Variants in TRAF3IP2 observed in about 807,000 individuals in gnomAD.
The protein encoded by TRAF3IP2 is TRAF3 interacting protein 2.
A neutral mutation model predicts 57.9 loss-of-function variants in TRAF3IP2; 35 were observed. The ratio of observed to expected loss-of-function variants is 0.60; its 90% CI spans 0.46 to 0.80. The LOEUF (loss-of-function observed/expected upper bound fraction) is 0.80. TRAF3IP2 is among the 30% of genes least tolerant of loss of function. The pLI is 0.00. For synonymous variants in TRAF3IP2, 251 were observed against 268.9 expected (o/e 0.93, Z 0.65); for missense variants, 556 against 706.4 (o/e 0.79, Z 2.41).
intron 1 of TRAF3IP2, 144 bp downstream of exon 1, chr6:111,605,632 T>C (rs1030197604): frequency 1.3e-5 from 2 of 152,430 alleles, no homozygotes; most frequent in East Asian, 1.9e-4. Flanking sequence ...AGATGGTCTC[T>C]GTGCGAACAA....
chr6:111,599,469 G>A lies in TRAF3IP2; in HGVS notation c.-9+6307C>T, dbSNP rs73764476. On this transcript the variant is annotated intron_variant, in intron 1 of 8. Transcript: ENST00000368761. Reference sequence around the variant, plus strand: ...GTCCATGTGACAATGCTCCCTTGCTGTCCATGTGACAATGCTCCCTTGGTG... The same window carrying A: ...GTCCATGTGACAATGCTCCCTTGCTATCCATGTGACAATGCTCCCTTGGTG... Among the ~76,000 whole-genome samples the A allele has an allele frequency of 8.9e-3, 1,358 of 152,162 alleles. 20 individuals carry two copies. Among genetic ancestry groups the A allele is most frequent in the African/African-American group, 0.031 (1,284 of 41,496 alleles).
At chr6:111,594,784 G>T (rs764446639) in intron 1 of TRAF3IP2, among the ~76,000 whole-genome samples, 1 of 151,696 alleles carries the variant, frequency 6.6e-6, no homozygotes, top group Admixed American at 6.6e-5. Flanking sequence ...GTGCGGTGGC[G>T]TGAGCCTGTA....
At chr6:111,569,432 C>A (rs1052174004) in intron 5 of TRAF3IP2, among the ~76,000 whole-genome samples, 9 of 152,106 alleles carry the variant, frequency 5.9e-5, no homozygotes, top group African/African-American at 2.2e-4. Context: ...TATCATAATG[C>A]CAGGCAGGAA....
In TRAF3IP2 at chr6:111,589,250, G is replaced by C. The variant is rs140255343; in HGVS notation, c.829+2008C>G. Among the ~76,000 whole-genome samples the C allele has an allele frequency of 2.1e-3, 318 of 152,086 alleles. 1 individual carries two copies. Among genetic ancestry groups the C allele is most frequent in the South Asian group, 0.015 (70 of 4,812 alleles). ...TAATTCTTTTTGTATTTTTAGCAGA[G>C]ACAGTGTTTCACCATGTTGGCCAGG... On this transcript the variant is annotated intron_variant, in intron 2 of 8. Coordinates refer to ENST00000368761, the MANE Select transcript of TRAF3IP2 (RefSeq NM_147686.4).
At chr6:111,566,200 G>A (rs1188533234) in intron 7 of TRAF3IP2, among the ~76,000 whole-genome samples, 1 of 152,184 alleles carries the variant, frequency 6.6e-6, no homozygotes, top group African/African-American at 2.4e-5. Flanking sequence ...TCCTAGAGAT[G>A]ACAGATTGCT....
intron 1 of TRAF3IP2, among the ~76,000 whole-genome samples, chr6:111,604,767 G>C (rs539509537): frequency 3.3e-5 from 5 of 152,278 alleles, no homozygotes; most frequent in African/African-American, 1.2e-4. Flanking sequence ...AAAATATCAG[G>C]AAACAAAGTC....
chr6:111,569,191 A>T (rs7382725), intron 5 of TRAF3IP2, among the ~76,000 whole-genome samples: 130,173 of 152,294 alleles, frequency 0.85, 56,186 homozygotes, highest in East Asian at 1. Flanking sequence ...TAGCTTTCTG[A>T]GACTGTGTCA....
At chr6:111,567,727 T>C (rs1403301922) in intron 5 of TRAF3IP2, 35 bp from the exon 6 acceptor site, 8 of 1,557,904 alleles carry the variant, frequency 5.1e-6, no homozygotes, top group Non-Finnish European at 7.0e-6. Flanking sequence ...TGGCCCTTAA[T>C]GAGAGGTTCT....
chr6:111,572,880 G>T lies in TRAF3IP2; in HGVS notation c.1290+15C>A. 12 of 1,603,602 alleles carry T rather than the reference G, an allele frequency of 7.5e-6. No individual in the cohort carries two copies. The highest frequency in any genetic ancestry group is 1.0e-5 in the Non-Finnish European group (12 of 1,170,946). On this transcript the variant is annotated intron_variant, in intron 5 of 8. Transcript: ENST00000368761. ...ACTATAACTGTTCAGTTATCTATTT[G>T]GACAAAATACTTACTGCAGTTTGGA...
At chr6:111,593,992 G>C (rs914541518) in intron 1 of TRAF3IP2, among the ~76,000 whole-genome samples, 1 of 151,984 alleles carries the variant, frequency 6.6e-6, no homozygotes, top group Non-Finnish European at 1.5e-5. Flanking sequence ...TTAGCTGGGC[G>C]TGGTGGCATG....
intron 7 of TRAF3IP2, among the ~76,000 whole-genome samples, chr6:111,564,111 T>C (rs1283471155): frequency 1.3e-5 from 2 of 152,072 alleles, no homozygotes; most frequent in Middle Eastern, 3.2e-3. Flanking sequence ...AGCTGGTTAT[T>C]GAAATCACCA....
intron 1 of TRAF3IP2, chr6:111,597,828 T>C: frequency 2.2e-6 from 1 of 455,992 alleles, no homozygotes; most frequent in Non-Finnish European, 4.4e-6. Flanking sequence ...TTTTTCCTTT[T>C]TTTTTCCAGG....
At chr6:111,566,598 G>A (rs540709184) in intron 6 of TRAF3IP2, 38 bp from the exon 7 acceptor site, 8 of 1,566,748 alleles carry the variant, frequency 5.1e-6, no homozygotes, top group Admixed American at 1.7e-5. Context: ...TTATGGAAGT[G>A]TACCAGCAGG....
intron 7 of TRAF3IP2, among the ~76,000 whole-genome samples, chr6:111,563,545 A>G (rs1583214114): frequency 2.0e-5 from 3 of 152,336 alleles, no homozygotes; most frequent in Non-Finnish European, 4.4e-5. Flanking sequence ...TGCCGGGTGA[A>G]AAGTATTAAC....
chr6:111,563,141 C>T (rs1795508073), intron 7 of TRAF3IP2, 102 bp from the exon 8 acceptor site: 1 of 829,600 alleles, frequency 1.2e-6, no homozygotes, highest in Non-Finnish European at 2.0e-6. Flanking sequence ...ATTCTGATTT[C>T]CATACTTGAG....
intron 1 of TRAF3IP2, among the ~76,000 whole-genome samples, chr6:111,592,756 T>A (rs1297708545): frequency 6.7e-6 from 1 of 148,914 alleles, no homozygotes; most frequent in Non-Finnish European, 1.5e-5. Flanking sequence ...AAAATAAAAG[T>A]GTTTTTTTTT....
At position 111,572,887 on chromosome 6, in the gene TRAF3IP2, A is replaced by G. The variant is rs1041482295; in HGVS notation, c.1290+8T>C. 2 of 1,610,570 alleles carry G rather than the reference A, an allele frequency of 1.2e-6. No homozygotes were observed. Among genetic ancestry groups the G allele is most frequent in the Non-Finnish European group, 1.7e-6 (2 of 1,177,020 alleles). On this transcript the variant is annotated splice_region_variant and intron_variant, in intron 5 of 8. Coordinates refer to ENST00000368761, the MANE Select transcript of TRAF3IP2 (RefSeq NM_147686.4). ...CTGTTCAGTTATCTATTTGGACAAA[A>G]TACTTACTGCAGTTTGGAAGCCATT...
rs777310403 is a variant in TRAF3IP2 at position 111,566,575 on chromosome 6, G to C, written c.1360-15C>G. 52 of 1,606,524 alleles carry C rather than the reference G, an allele frequency of 3.2e-5. 1 individual carries two copies. The South Asian group carries it at 5.5e-4, about 17-fold the overall frequency. ...ATCACGGTCTTCTGTTAATGAGAGG[G>C]AGAAAGGCATGTTTATGGAAGTGTA... On this transcript the variant is annotated splice_polypyrimidine_tract_variant and intron_variant, in intron 6 of 8. Coordinates refer to ENST00000368761, the MANE Select transcript of TRAF3IP2 (RefSeq NM_147686.4).
chr6:111,567,069 C>T (rs1185745186), intron 6 of TRAF3IP2: 12 of 524,670 alleles, frequency 2.3e-5, no homozygotes, highest in South Asian at 2.1e-4. Flanking sequence ...CTGAGACTCC[C>T]GTCCCCCACT....
Sources: allele counts gnomAD v4.1 joint callset (sites outside exome capture counted in the v4.1 genomes callset), GRCh38; gene constraint gnomAD v4.1.1; transcripts MANE v1.5; gene names NCBI Gene and HGNC (gene_info 2026-07-23, HGNC 2026-07-21).